Variants in WLS observed in about 807,000 individuals in gnomAD.
WLS encodes the protein Wnt ligand secretion mediator.
Under a neutral mutation model 62.8 loss-of-function variants are expected in WLS, and 23 were observed. The ratio of observed to expected loss-of-function variants is 0.37; its 90% CI spans 0.26 to 0.52. The LOEUF (loss-of-function observed/expected upper bound fraction) is 0.52, where lower values mean the gene tolerates loss of function less well. WLS is among the 20% of genes least tolerant of loss of function. The probability of loss-of-function intolerance (pLI) is 0.92; values close to 1 mark genes in which losing one functional copy is unlikely to be tolerated. For synonymous variants in WLS, 246 were observed against 244.1 expected, an observed-to-expected ratio of 1.01 and a Z score of -0.07; for missense variants, 615 against 697.3, an observed-to-expected ratio of 0.88 and a Z score of 1.33.
At chr1:68,105,103 T>C (rs1404040189) in intron 11 of WLS, among the ~76,000 whole-genome samples, 1 of 152,230 alleles carries the variant, frequency 6.6e-6, no homozygotes, top group Non-Finnish European at 1.5e-5. Context: ...AGATGTCTGA[T>C]CTACCCTTTA....
In WLS at chr1:68,171,009, G is replaced by T. The variant is rs566209702; in HGVS notation, c.380-11762C>A. Among the ~76,000 whole-genome samples the T allele has an allele frequency of 2.0e-5, 3 of 152,176 alleles. No individual in the cohort carries two copies. In the South Asian group the frequency reaches 6.2e-4, roughly 32 times the overall value. The stretch of plus-strand genomic sequence containing the variant: ...CACTCTACCATCAAACAAGTGGTTT[G>T]CTCTATATTTTGGTGACATTCATAC... On this transcript the variant is annotated intron_variant, in intron 2 of 11. Transcript: ENST00000262348.
chr1:68,133,866 C>T (rs529929008), intron 11 of WLS, among the ~76,000 whole-genome samples: 1 of 152,324 alleles, frequency 6.6e-6, no homozygotes, highest in Non-Finnish European at 1.5e-5. Context: ...TTTCTTATTG[C>T]CTTTGGCATC....
chr1:68,113,800 A>G (rs1646257385), intron 11 of WLS, among the ~76,000 whole-genome samples: 1 of 152,180 alleles, frequency 6.6e-6, no homozygotes, highest in Admixed American at 6.5e-5. Flanking sequence ...GAAAGGCTTG[A>G]AAAGCCTTGC....
In WLS at chr1:68,159,237, T is replaced by A; in HGVS notation, c.390A>T (p.Ala130=). Residue 130 remains alanine (A), a synonymous_variant, in exon 3 of 12, where the codon GCA becomes GCT. Coordinates refer to ENST00000262348, the MANE Select transcript of WLS (RefSeq NM_024911.7). ...CCAGGGAAACGTCCATGGAGACTTC[T>A]GCATTTTCTCCTGCAAGAGAAAGGA... ...FKLNNQIREN[A]EVSMDVSLAY... The A allele has an allele frequency of 6.2e-7, 1 of 1,613,064 alleles. No homozygotes were observed. Among genetic ancestry groups the A allele is most frequent in the Non-Finnish European group, 8.5e-7 (1 of 1,179,766 alleles).
intron 2 of WLS, among the ~76,000 whole-genome samples, chr1:68,173,703 GT>G (rs1647188719): frequency 1.3e-5 from 2 of 152,124 alleles, no homozygotes; most frequent in Non-Finnish European, 2.9e-5. Context: ...AACCAGCTAA[GT>G]ATTTTGCCCA....
At chr1:68,161,945 C>T (rs1646981974) in intron 2 of WLS, 1 of 1,610,226 alleles carries the variant, frequency 6.2e-7, no homozygotes, top group African/African-American at 1.3e-5. Context: ...CTGTATGTGG[C>T]ACCATTGAGC....
intron 11 of WLS, among the ~76,000 whole-genome samples, chr1:68,104,650 C>G (rs1646121551): frequency 6.6e-6 from 1 of 152,162 alleles, no homozygotes; most frequent in South Asian, 2.1e-4. Flanking sequence ...TGGCTTGCAC[C>G]TATAATCCCA....
At position 68,102,301 on chromosome 1, in the gene WLS, T is replaced by C. The variant is rs555368092; in HGVS notation, c.1511-3548A>G. Among the ~76,000 whole-genome samples, 4 of 152,208 alleles carry C rather than the reference T, an allele frequency of 2.6e-5. No homozygotes were observed. The South Asian group carries it at 8.3e-4, about 32-fold the overall frequency. ...AGAATGACTTCTCTTCTTAGGGAGGTTGGAGAAGGGTCCTAAACAGCGGGC... is the reference window on the plus strand; with the variant it reads ...AGAATGACTTCTCTTCTTAGGGAGGCTGGAGAAGGGTCCTAAACAGCGGGC... On this transcript the variant is annotated intron_variant, in intron 11 of 11. Coordinates refer to the WLS transcript ENST00000354777.
downstream of WLS, among the ~76,000 whole-genome samples, chr1:68,124,181 C>T (rs1646396610): frequency 6.6e-6 from 1 of 152,232 alleles, no homozygotes; most frequent in South Asian, 2.1e-4. Flanking sequence ...TCCTCTGCTA[C>T]TGTCCTGGTT....
chr1:68,183,038 T>C lies in WLS; in HGVS notation c.379+10917A>G, dbSNP rs567722870. Among the ~76,000 whole-genome samples the C allele has an allele frequency of 2.6e-5, 4 of 152,192 alleles. No homozygotes were observed. The East Asian group carries it at 7.7e-4, about 29-fold the overall frequency. ...GCCTCAGCCTCCCAAGTAGCTGGGATTACAGGCACACGCCACCATGCTGGG... is the reference window on the plus strand; with the variant it reads ...GCCTCAGCCTCCCAAGTAGCTGGGACTACAGGCACACGCCACCATGCTGGG... On this transcript the variant is annotated intron_variant, in intron 2 of 11. Coordinates refer to ENST00000262348, the MANE Select transcript of WLS (RefSeq NM_024911.7).
chr1:68,133,679 A>G (rs1006251007), intron 11 of WLS, among the ~76,000 whole-genome samples: 5 of 152,164 alleles, frequency 3.3e-5, no homozygotes, highest in African/African-American at 1.2e-4. Context: ...CTTGTCTTGA[A>G]CCTGTGGCCC....
intron 11 of WLS, chr1:68,127,046 T>G: frequency 2.6e-6 from 1 of 380,486 alleles, no homozygotes; most frequent in Non-Finnish European, 5.2e-6. Flanking sequence ...TTTGTTTTAA[T>G]TACCTGCGTG....
chr1:68,199,414 C>A (rs180709993), intron 1 of WLS, among the ~76,000 whole-genome samples: 1 of 152,188 alleles, frequency 6.6e-6, no homozygotes, highest in Admixed American at 6.5e-5. Context: ...TTCGGCAGGG[C>A]TTAGCCTTGG....
At chr1:68,201,994 C>T (rs991381041) in intron 1 of WLS, 1 of 152,172 alleles carries the variant, frequency 6.6e-6, no homozygotes, top group Non-Finnish European at 1.5e-5. Flanking sequence ...AAATGCTTCG[C>T]CTACAACCTC....
rs139448041 is a variant in WLS at position 68,172,604 on chromosome 1, G to C, written c.380-13357C>G. ...GTACTGCATTAGAAGTATATATGAA[G>C]TATACAGTCAGCACAAAAAGATCAA... On this transcript the variant is annotated intron_variant, in intron 2 of 11. Transcript: ENST00000262348. Among the ~76,000 whole-genome samples the C allele has an allele frequency of 1.0e-3, 157 of 152,248 alleles. 2 individuals carry two copies. In the East Asian group the frequency reaches 0.019, roughly 19 times the overall value.
At chr1:68,130,581 G>A (rs1039947614) in intron 11 of WLS, among the ~76,000 whole-genome samples, 3 of 152,116 alleles carry the variant, frequency 2.0e-5, no homozygotes, top group Non-Finnish European at 2.9e-5. Context: ...TTTTTGTAAC[G>A]AAGTCTCTGG....
rs1451144172 is a variant in WLS, at chr1:68,186,598, TA to T, written c.379+7356del. On this transcript the variant is annotated intron_variant, in intron 2 of 11. Coordinates refer to ENST00000262348, the MANE Select transcript of WLS (RefSeq NM_024911.7). ...ATAAGCAGGAAGCCATCATGTGTAA[TA>T]GGATCTTGTTTGCCACACTCCCAAA... The T allele has an allele frequency of 8.5e-5, 39 of 456,192 alleles. No individual in the cohort carries two copies. The Admixed American group carries it at 8.9e-4, about 10-fold the overall frequency. The allele number at this position is 456,192 out of a possible 1,614,324, so 28.3% of individuals were successfully genotyped here.
intron 6 of WLS, among the ~76,000 whole-genome samples, chr1:68,149,539 C>T (rs995123012): frequency 1.3e-5 from 2 of 152,178 alleles, no homozygotes; most frequent in African/African-American, 4.8e-5. Flanking sequence ...CTGTGAAGCC[C>T]ATGTGCCTGA....
intron 5 of WLS, among the ~76,000 whole-genome samples, chr1:68,152,795 G>A (rs1264602675): frequency 6.6e-6 from 1 of 152,158 alleles, no homozygotes; most frequent in Non-Finnish European, 1.5e-5. Context: ...GGCAGGACAT[G>A]TTTGTATATT....
Sources: allele counts gnomAD v4.1 joint callset (sites outside exome capture counted in the v4.1 genomes callset), GRCh38; gene constraint gnomAD v4.1.1; transcripts MANE v1.5; gene names NCBI Gene and HGNC (gene_info 2026-07-23, HGNC 2026-07-21).